The following INPP5A variants were observed in gnomAD, a reference collection of about 807,000 sequenced individuals.
INPP5A encodes the protein 43 kDa inositol polyphosphate 5-phophatase.
INPP5A carries 14 observed loss-of-function variants against 65.2 expected under a neutral mutation model. The observed-to-expected ratio is 0.21, with a 90% CI of 0.14 to 0.34. The LOEUF (loss-of-function observed/expected upper bound fraction) is 0.34. Among genes scored for constraint, INPP5A ranks in the 10% least tolerant of loss-of-function variants. The probability of loss-of-function intolerance (pLI) is 1.00; values close to 1 mark genes in which losing one functional copy is unlikely to be tolerated. For synonymous variants in INPP5A, 207 were observed against 208.3 expected (o/e 0.99, Z 0.05); for missense variants, 431 against 545.6 (o/e 0.79, Z 2.09).
Position 132,782,038 on chromosome 10 carries a change from G to A in INPP5A, c.*9G>A, listed in dbSNP as rs753125535. 6.3e-7 allele frequency: 1 copy of A among 1,595,444 alleles called. No individual in the cohort carries two copies. Among genetic ancestry groups the A allele is most frequent in the Non-Finnish European group, 8.6e-7 (1 of 1,169,346 alleles). ...AACAAATTACGAATTCCGTGACAGGGAAGAGATGCCAGCGCCACGAGAGGA... is the reference window on the plus strand; with the variant it reads ...AACAAATTACGAATTCCGTGACAGGAAAGAGATGCCAGCGCCACGAGAGGA... On this transcript the variant is annotated splice_region_variant and 3_prime_UTR_variant, in exon 16 of 16. Transcript: ENST00000368594. This position sits in a 1 kb window ranked among gnomAD's most constrained non-coding sequence, Gnocchi z 4.4.
At chr10:132,759,650 TG>T (rs1287667182) in intron 11 of INPP5A, among the ~76,000 whole-genome samples, 2 of 151,374 alleles carry the variant, frequency 1.3e-5, no homozygotes, top group Admixed American at 6.6e-5. Context: ...AGGGAGGTGG[TG>T]GGGGGCTCTC....
rs1009854023 is a variant in INPP5A, at chr10:132,551,349, C to T, written c.75+13178C>T. On this transcript the variant is annotated intron_variant, in intron 1 of 15. Coordinates refer to ENST00000368594, the MANE Select transcript of INPP5A (RefSeq NM_005539.5). This position sits in a 1 kb window ranked among gnomAD's most constrained non-coding sequence, Gnocchi z 5.3. ...GCTGCTTTGTTTCTTGCAAAGAGTGCCTTAGTTAGGGGACAGGCCAGCCCA... is the reference window on the plus strand; with the variant it reads ...GCTGCTTTGTTTCTTGCAAAGAGTGTCTTAGTTAGGGGACAGGCCAGCCCA... 3.3e-5 allele frequency among the ~76,000 whole-genome samples: 5 copies of T among 152,078 alleles called. No individual in the cohort carries two copies. Among genetic ancestry groups the T allele is most frequent in the Non-Finnish European group, 7.4e-5 (5 of 68,016 alleles).
chr10:132,542,545 C>T (rs1295324918), intron 1 of INPP5A, among the ~76,000 whole-genome samples: 3 of 152,220 alleles, frequency 2.0e-5, no homozygotes, highest in East Asian at 1.9e-4. Flanking sequence ...CCAGCCACTG[C>T]GGGGCATCCT....
intron 2 of INPP5A, among the ~76,000 whole-genome samples, chr10:132,610,619 G>A (rs566442297): frequency 6.6e-6 from 1 of 152,350 alleles, no homozygotes; most frequent in Non-Finnish European, 1.5e-5. Context: ...GCTGCTCCAG[G>A]GTCTGCAGCC....
At chr10:132,684,593 C>T (rs2073092072) in intron 4 of INPP5A, among the ~76,000 whole-genome samples, 1 of 152,226 alleles carries the variant, frequency 6.6e-6, no homozygotes, top group African/African-American at 2.4e-5. Context: ...TCAGCAGTCA[C>T]TCATTAGTCA....
rs1171424861 is a variant in INPP5A, at chr10:132,707,955, A to C, written c.475-358A>C. On this transcript the variant is annotated intron_variant, in intron 6 of 15. Coordinates refer to ENST00000368594, the MANE Select transcript of INPP5A (RefSeq NM_005539.5). This position sits in a 1 kb window ranked among gnomAD's most constrained non-coding sequence, Gnocchi z 5.5. ...TCAAGTCTTCCCTGTGGTCCAGCCG[A>C]GGGCGGCCGTGTGTCTCGAGCTCCC... 2.0e-5 allele frequency among the ~76,000 whole-genome samples: 3 copies of C among 152,154 alleles called. No individual in the cohort carries two copies. The highest frequency in any genetic ancestry group is 4.4e-5 in the Non-Finnish European group (3 of 68,038).
intron 1 of INPP5A, among the ~76,000 whole-genome samples, chr10:132,599,729 G>A (rs1263531411): frequency 6.6e-6 from 1 of 152,198 alleles, no homozygotes; most frequent in African/African-American, 2.4e-5. Flanking sequence ...GCAAACTTTT[G>A]CCTGGACATC....
intron 14 of INPP5A, 51 bp downstream of exon 14, chr10:132,780,968 A>C: frequency 3.6e-4 from 53 of 149,238 alleles, no homozygotes; most frequent in Non-Finnish European, 5.3e-4. Context: ...AGGGGAAGCT[A>C]GGGGGCCGGG....
chr10:132,647,680 C>T (rs1303359391), intron 3 of INPP5A, among the ~76,000 whole-genome samples: 1 of 152,120 alleles, frequency 6.6e-6, no homozygotes, highest in Non-Finnish European at 1.5e-5. Flanking sequence ...CGAGGCCCCA[C>T]CCAGACCCTC....
chr10:132,762,838 G>A lies in INPP5A; in HGVS notation c.904-2935G>A, dbSNP rs568931760. Among the ~76,000 whole-genome samples, 3 of 152,190 alleles carry A rather than the reference G, an allele frequency of 2.0e-5. No individual in the cohort carries two copies. Among genetic ancestry groups the A allele is most frequent in the Non-Finnish European group, 4.4e-5 (3 of 68,010 alleles). On this transcript the variant is annotated intron_variant, in intron 11 of 15. Transcript: ENST00000368594. This position sits in a 1 kb window ranked among gnomAD's most constrained non-coding sequence, Gnocchi z 4.6. ...AGACCCCGTCTCTACAAAAAATAAA[G>A]ACTTAGCAGGAGTGGTGGCACACGC... is the stretch of plus-strand genomic sequence containing the variant.
chr10:132,607,014 T>G (rs1440173934), intron 1 of INPP5A, among the ~76,000 whole-genome samples: 1 of 151,892 alleles, frequency 6.6e-6, no homozygotes, highest in Non-Finnish European at 1.5e-5. Context: ...ATGTTGGAGC[T>G]GGGGTGCTTC....
intron 1 of INPP5A, among the ~76,000 whole-genome samples, chr10:132,560,448 A>G (rs2071188587): frequency 6.6e-6 from 1 of 152,080 alleles, no homozygotes; most frequent in South Asian, 2.1e-4. Context: ...CATCTTTTTT[A>G]CTGTAACCGT....
chr10:132,755,240 CATGAGCAGGT>C (rs1415172175), intron 11 of INPP5A, among the ~76,000 whole-genome samples: 1 of 145,790 alleles, frequency 6.9e-6, no homozygotes, highest in Non-Finnish European at 1.5e-5. Context: ...CGTGTACATG[CATGAGCAGGT>C]GTGAGCAGGT....
chr10:132,645,265 G>A (rs1329178568), intron 2 of INPP5A, among the ~76,000 whole-genome samples: 1 of 152,198 alleles, frequency 6.6e-6, no homozygotes, highest in Admixed American at 6.5e-5. Context: ...TCAGGTTCCC[G>A]GCTCTGCCAC....
In INPP5A at chr10:132,765,775, C is replaced by T; in HGVS notation, c.906C>T (p.Leu302=). 1 of 1,591,036 alleles carries T rather than the reference C, an allele frequency of 6.3e-7. No homozygotes were observed. Among genetic ancestry groups the T allele is most frequent in the African/African-American group, 1.3e-5 (1 of 74,610 alleles). Residue 302 remains leucine, a splice_region_variant and synonymous_variant, in exon 12 of 16, where the codon CTC becomes CTT. Coordinates refer to ENST00000368594, the MANE Select transcript of INPP5A (RefSeq NM_005539.5). ...EVFRDNNGTA[L]LEFDKELSVF... ...TTTCTGCTCTTTCTTTTCTTTAGCT[C>T]TTGGAGTTTGACAAGGAGTTGTCTG...
chr10:132,701,674 C>T (rs986771064), intron 6 of INPP5A, among the ~76,000 whole-genome samples: 8 of 152,318 alleles, frequency 5.3e-5, no homozygotes, highest in Admixed American at 1.3e-4. Context: ...TGCTCAGGTG[C>T]GCCCGTGGGG....
chr10:132,583,206 A>G (rs1159371959), intron 1 of INPP5A, among the ~76,000 whole-genome samples: 3 of 152,086 alleles, frequency 2.0e-5, no homozygotes, highest in African/African-American at 7.2e-5. Flanking sequence ...GTATTTTTAA[A>G]CGTGTGATTT....
chr10:132,738,517 C>T (rs1846217676), intron 9 of INPP5A, among the ~76,000 whole-genome samples: 1 of 152,208 alleles, frequency 6.6e-6, no homozygotes, highest in Non-Finnish European at 1.5e-5. Flanking sequence ...CAGGGCCAGT[C>T]CTGTGGAGCC....
At chr10:132,640,114 C>T (rs560761183) in intron 2 of INPP5A, among the ~76,000 whole-genome samples, 4 of 152,280 alleles carry the variant, frequency 2.6e-5, no homozygotes, top group South Asian at 2.1e-4. Context: ...TTTCAGATTC[C>T]GATAACTCAG....
Sources: gnomAD v4.1 joint callset for allele counts (sites outside exome capture counted in the v4.1 genomes callset) on GRCh38, gnomAD v4.1.1 for gene constraint, Gnocchi (gnomAD v3.1) non-coding constraint, MANE v1.5 for transcripts, NCBI Gene and HGNC (gene_info 2026-07-23, HGNC 2026-07-21) for gene names.